Variants in ACO2 observed in about 807,000 individuals in gnomAD.
ACO2 encodes aconitase 2, also known as aconitate hydratase, mitochondrial.
In ACO2, 31 loss-of-function variants were observed where a neutral mutation model predicts 84.5. The ratio of observed to expected loss-of-function variants is 0.37; its 90% CI spans 0.28 to 0.50. The LOEUF is 0.50. Ranked by LOEUF, ACO2 falls within the 20% of genes least tolerant of loss-of-function variation. The pLI, the probability that ACO2 is intolerant of heterozygous loss-of-function variation, is 0.97. For synonymous variants in ACO2, 414 were observed against 412.7 expected (o/e 1.00, Z -0.04); for missense variants, 685 against 1,029.3 (o/e 0.67, Z 4.58).
rs539397010 is a variant in ACO2, at chr22:41,515,027, C to G, written c.526-350C>G. 6.6e-6 allele frequency among the ~76,000 whole-genome samples: 1 copy of G among 152,334 alleles called. No individual in the cohort carries two copies. The highest frequency in any genetic ancestry group is 2.1e-4 in the South Asian group (1 of 4,830). On this transcript the variant is annotated intron_variant, in intron 4 of 17. Transcript: ENST00000216254. The surrounding 1 kb of genome is among the most constrained non-coding windows in gnomAD (Gnocchi z 5.8). ...CACCCAGGATGAGGCCGGGCCTGGGCCCATCACAGGACAGTTTCTCTGGTT... is the reference window on the plus strand; with the variant it reads ...CACCCAGGATGAGGCCGGGCCTGGGGCCATCACAGGACAGTTTCTCTGGTT...
intron 17 of ACO2, 156 bp from the exon 18 acceptor site, chr22:41,528,323 G>C: frequency 1.8e-6 from 2 of 1,130,356 alleles, no homozygotes; most frequent in Admixed American, 5.5e-5. Flanking sequence ...TGCCACCTGG[G>C]TCTGACCTGG....
chr22:41,524,460 T>C (rs537472237), intron 12 of ACO2, among the ~76,000 whole-genome samples: 1 of 152,296 alleles, frequency 6.6e-6, no homozygotes, highest in East Asian at 1.9e-4. Flanking sequence ...TCTACAAATA[T>C]GTCTTGCTAA....
At chr22:41,527,740 C>T in intron 16 of ACO2, 161 bp from the exon 17 acceptor site, 1 of 1,204,150 alleles carries the variant, frequency 8.3e-7, no homozygotes, top group South Asian at 1.5e-5. Flanking sequence ...GCTAGGGGCA[C>T]CCCTAGTGAA....
At chr22:41,487,354 T>TA (rs1436475074) in intron 1 of ACO2, among the ~76,000 whole-genome samples, 3 of 152,256 alleles carry the variant, frequency 2.0e-5, no homozygotes, top group Non-Finnish European at 4.4e-5. Flanking sequence ...TTTATGCTGT[T>TA]ACAGCAGCTT....
chr22:41,484,280 G>A (rs906573940), intron 1 of ACO2, among the ~76,000 whole-genome samples: 13 of 152,136 alleles, frequency 8.5e-5, no homozygotes, highest in African/African-American at 3.1e-4. Context: ...TGTTCAGTGT[G>A]GGTACAATGG....
intron 1 of ACO2, among the ~76,000 whole-genome samples, chr22:41,482,341 G>C (rs906837584): frequency 2.0e-5 from 3 of 152,212 alleles, no homozygotes; most frequent in Non-Finnish European, 2.9e-5. Context: ...AGAAAGTCTC[G>C]GCCTCTGCAA....
At chr22:41,494,410 T>C (rs565911170) in intron 1 of ACO2, among the ~76,000 whole-genome samples, 236 of 149,942 alleles carry the variant, frequency 1.6e-3, no homozygotes, top group African/African-American at 5.5e-3. Context: ...GTATTCTGTA[T>C]CTTTTTTTTT....
At chr22:41,514,162 T>G (rs2066458270) in intron 4 of ACO2, among the ~76,000 whole-genome samples, 1 of 152,170 alleles carries the variant, frequency 6.6e-6, no homozygotes. Flanking sequence ...CAGATGCTTG[T>G]CCTGAGGCAG....
chr22:41,499,679 T>G, intron 1 of ACO2, 47 bp from the exon 2 acceptor site: 1 of 1,589,310 alleles, frequency 6.3e-7, no homozygotes, highest in Non-Finnish European at 8.5e-7. Flanking sequence ...GGGGATGGAC[T>G]CTCCTAAGTG....
rs188282057 is a variant in ACO2, at chr22:41,475,744, A to G, written c.36+6562A>G. 4.1e-3 allele frequency among the ~76,000 whole-genome samples: 628 copies of G among 151,964 alleles called. 2 individuals are homozygous for G. Among genetic ancestry groups the G allele is most frequent in the Middle Eastern group, 0.027 (8 of 294 alleles). On this transcript the variant is annotated intron_variant, in intron 1 of 17. Transcript: ENST00000216254. Reference sequence around the variant, plus strand: ...CCCATCTTTACTAAAAATACAAAAAAAAAATTAGCCAGTCGTGGTGGCGCA... The same window carrying G: ...CCCATCTTTACTAAAAATACAAAAAGAAAATTAGCCAGTCGTGGTGGCGCA...
chr22:41,527,148 G>A (rs2066616966), intron 15 of ACO2, 140 bp from the exon 16 acceptor site: 6 of 1,301,256 alleles, frequency 4.6e-6, no homozygotes, highest in East Asian at 2.4e-5. Context: ...GGCAGCAGGC[G>A]AGGAAGGGCC....
intron 3 of ACO2, 135 bp from the exon 4 acceptor site, chr22:41,511,739 GTC>G (rs2066434314): frequency 1.7e-6 from 1 of 598,090 alleles, no homozygotes; most frequent in African/African-American, 1.9e-5. Context: ...TTTTTAGAAG[GTC>G]TCTAAGAGAG....
chr22:41,520,594 G>A (rs962740385), intron 9 of ACO2, among the ~76,000 whole-genome samples: 2 of 151,932 alleles, frequency 1.3e-5, no homozygotes, highest in Non-Finnish European at 2.9e-5. Flanking sequence ...TGTAATCCCA[G>A]CACTTTGGGA....
chr22:41,526,201 C>T, intron 14 of ACO2, 61 bp from the exon 15 acceptor site: 3 of 1,498,492 alleles, frequency 2.0e-6, no homozygotes, highest in Non-Finnish European at 2.7e-6. Context: ...CTCTGGAGGG[C>T]TTGTCATCCA....
intron 9 of ACO2, among the ~76,000 whole-genome samples, chr22:41,520,767 A>G (rs1337079080): frequency 6.6e-6 from 1 of 151,528 alleles, no homozygotes; most frequent in African/African-American, 2.4e-5. Flanking sequence ...GCTTGAACCC[A>G]GGAGGCGGAG....
intron 1 of ACO2, among the ~76,000 whole-genome samples, chr22:41,485,322 T>G (rs201857806): frequency 6.6e-6 from 1 of 151,880 alleles, no homozygotes; most frequent in East Asian, 1.9e-4. Flanking sequence ...TTTTTCGAGA[T>G]GGAGTTTCAC....
intron 1 of ACO2, among the ~76,000 whole-genome samples, chr22:41,481,392 C>T (rs1382335940): frequency 6.6e-6 from 1 of 152,216 alleles, no homozygotes; most frequent in Non-Finnish European, 1.5e-5. Context: ...TGGCTCGGCA[C>T]CCTCAGCTCT....
intron 1 of ACO2, among the ~76,000 whole-genome samples, chr22:41,498,035 G>A (rs1305013594): frequency 6.6e-6 from 1 of 151,222 alleles, no homozygotes; most frequent in South Asian, 2.1e-4. Context: ...TCCCAGCTAC[G>A]CGGGAGGCTG....
At chr22:41,526,543 C>T in intron 15 of ACO2, 90 bp downstream of exon 15, 1 of 1,447,476 alleles carries the variant, frequency 6.9e-7, no homozygotes, top group Non-Finnish European at 9.3e-7. Context: ...GGAGTGGAAA[C>T]TGGGAAGGAG....
Sources: gnomAD v4.1 joint callset for allele counts (sites outside exome capture counted in the v4.1 genomes callset) on GRCh38, gnomAD v4.1.1 for gene constraint, Gnocchi (gnomAD v3.1) non-coding constraint, MANE v1.5 for transcripts, NCBI Gene and HGNC (gene_info 2026-07-23, HGNC 2026-07-21) for gene names.